The following ZCCHC7 variants were observed in gnomAD, a reference collection of about 807,000 sequenced individuals.
ZCCHC7 encodes zinc finger CCHC domain-containing protein 7.
ZCCHC7 carries 35 observed loss-of-function variants against 52.0 expected under a neutral mutation model. That is an observed-to-expected ratio of 0.67 (90% CI 0.51 to 0.89). The LOEUF (loss-of-function observed/expected upper bound fraction) is 0.89. ZCCHC7 is among the 40% of genes least tolerant of loss of function. The pLI, the probability that ZCCHC7 is intolerant of heterozygous loss-of-function variation, is 0.00. For synonymous variants in ZCCHC7, 217 were observed against 221.5 expected, an observed-to-expected ratio of 0.98 and a Z score of 0.18; for missense variants, 574 against 649.1, an observed-to-expected ratio of 0.88 and a Z score of 1.26.
chr9:37,132,391 G>A (rs940625592), intron 2 of ZCCHC7, among the ~76,000 whole-genome samples: 3 of 152,216 alleles, frequency 2.0e-5, no homozygotes, highest in South Asian at 2.1e-4. Context: ...AAAATAAAAT[G>A]TTATAATTGA....
chr9:37,249,979 T>C (rs1402017341), intron 2 of ZCCHC7, among the ~76,000 whole-genome samples: 1 of 152,218 alleles, frequency 6.6e-6, no homozygotes, highest in Admixed American at 6.5e-5. Flanking sequence ...GGTATTGTGA[T>C]AGAAACATGA....
At chr9:37,264,845 AT>A (rs1827027837) in intron 2 of ZCCHC7, among the ~76,000 whole-genome samples, 2 of 152,148 alleles carry the variant, frequency 1.3e-5, no homozygotes, top group Non-Finnish European at 2.9e-5. Flanking sequence ...AGAAGTAAAA[AT>A]TTCCTGTAAA....
intron 2 of ZCCHC7, among the ~76,000 whole-genome samples, chr9:37,129,357 G>A (rs7037694): frequency 0.56 from 84,641 of 152,058 alleles, 24,260 homozygotes; most frequent in African/African-American, 0.7. Context: ...TGAATTTTTG[G>A]AAATTAATTT....
intron 2 of ZCCHC7, among the ~76,000 whole-genome samples, chr9:37,230,680 TCTC>T (rs1825358285): frequency 1.3e-5 from 2 of 152,180 alleles, no homozygotes; most frequent in South Asian, 2.1e-4. Flanking sequence ...AATTTTTGTT[TCTC>T]CTCTGTTGCG....
intron 8 of ZCCHC7, among the ~76,000 whole-genome samples, 165 bp from the exon 9 acceptor site, chr9:37,356,670 A>G (rs970631479): frequency 3.3e-5 from 5 of 152,212 alleles, no homozygotes; most frequent in Non-Finnish European, 5.9e-5. Context: ...ATTTTTAGCA[A>G]TCAGAAACTT....
chr9:37,239,165 G>A (rs930490863), intron 2 of ZCCHC7, among the ~76,000 whole-genome samples: 10 of 152,036 alleles, frequency 6.6e-5, no homozygotes, highest in African/African-American at 2.4e-4. Flanking sequence ...AGGTCATTGT[G>A]TTATTATTGT....
In ZCCHC7 at chr9:37,173,026, A is replaced by T. The variant is rs1033049807; in HGVS notation, c.610+46084A>T. On this transcript the variant is annotated intron_variant, in intron 2 of 8. Coordinates refer to ENST00000336755, the MANE Select transcript of ZCCHC7 (RefSeq NM_032226.3). ...ATTCCAGTAGGGACTTGAGTGAGCAACGTGGCCATTCCAATAGGGACTCGA... is the reference window on the plus strand; with the variant it reads ...ATTCCAGTAGGGACTTGAGTGAGCATCGTGGCCATTCCAATAGGGACTCGA... Among the ~76,000 whole-genome samples, 62 of 150,808 alleles carry T rather than the reference A, an allele frequency of 4.1e-4. 1 individual carries two copies. The highest frequency in any genetic ancestry group is 1.3e-3 in the African/African-American group (54 of 40,758).
At chr9:37,234,838 G>A (rs1160778600) in intron 2 of ZCCHC7, among the ~76,000 whole-genome samples, 1 of 152,014 alleles carries the variant, frequency 6.6e-6, no homozygotes, top group African/African-American at 2.4e-5. Context: ...AAATATTTTA[G>A]CCACTCTTTT....
intron 2 of ZCCHC7, among the ~76,000 whole-genome samples, chr9:37,245,088 C>T (rs1434166266): frequency 6.6e-6 from 1 of 151,706 alleles, no homozygotes; most frequent in East Asian, 1.9e-4. Context: ...GACTGATTTT[C>T]AAATACAGTA....
chr9:37,279,972 G>A (rs193229243), intron 2 of ZCCHC7, among the ~76,000 whole-genome samples: 11 of 152,170 alleles, frequency 7.2e-5, no homozygotes, highest in Admixed American at 2.6e-4. Context: ...GGCTAACACA[G>A]TGAAACCCTG....
rs180728138 is a variant in ZCCHC7 at position 37,339,432 on chromosome 9, T to C, written c.988-9925T>C. On this transcript the variant is annotated intron_variant, in intron 6 of 8. Transcript: ENST00000336755. ...GCTTTTTTGTAACACAGCATCATCT[T>C]TGTTGTCTCACAGCCTCTGCTTTGG... 5.9e-5 allele frequency among the ~76,000 whole-genome samples: 9 copies of C among 152,340 alleles called. No homozygotes were observed. The East Asian group carries it at 1.2e-3, about 20-fold the overall frequency.
rs73646339 is a variant in ZCCHC7, at chr9:37,246,643, A to G, written c.611-55545A>G. On this transcript the variant is annotated intron_variant, in intron 2 of 8. Transcript: ENST00000336755. Reference sequence around the variant, plus strand: ...ATTTTTTCCCCTTTTCTAAATTGACATATTAAAAGTTGTACGTATTTAACA... The same window carrying G: ...ATTTTTTCCCCTTTTCTAAATTGACGTATTAAAAGTTGTACGTATTTAACA... Among the ~76,000 whole-genome samples, 830 of 152,286 alleles carry G rather than the reference A, an allele frequency of 5.5e-3. 5 individuals carry two copies. The highest frequency in any genetic ancestry group is 0.019 in the African/African-American group (782 of 41,568).
At chr9:37,156,842 AATGTTCTT>A (rs1820839822) in intron 2 of ZCCHC7, among the ~76,000 whole-genome samples, 2 of 152,094 alleles carry the variant, frequency 1.3e-5, no homozygotes, top group African/African-American at 4.8e-5. Flanking sequence ...CCTTGTTACC[AATGTTCTT>A]ATGTTAAAAC....
chr9:37,328,980 A>G (rs1290264182), intron 6 of ZCCHC7, among the ~76,000 whole-genome samples: 1 of 151,914 alleles, frequency 6.6e-6, no homozygotes, highest in Non-Finnish European at 1.5e-5. Context: ...TATGTTACAC[A>G]TATATATTAC....
At chr9:37,224,731 TAG>T (rs1408142120) in intron 2 of ZCCHC7, among the ~76,000 whole-genome samples, 1 of 152,138 alleles carries the variant, frequency 6.6e-6, no homozygotes, top group Non-Finnish European at 1.5e-5. Context: ...ATAAAATTAC[TAG>T]AGAGTAGTGA....
intron 5 of ZCCHC7, 118 bp downstream of exon 5, chr9:37,305,832 GATAT>G (rs3837244): frequency 0.51 from 373,951 of 730,946 alleles, 90,128 homozygotes; most frequent in African/African-American, 0.61. Context: ...TACTCCGTGA[GATAT>G]ATATATATAT....
intron 2 of ZCCHC7, among the ~76,000 whole-genome samples, chr9:37,266,403 G>A (rs1159193700): frequency 6.6e-6 from 1 of 152,158 alleles, no homozygotes; most frequent in Non-Finnish European, 1.5e-5. Flanking sequence ...TGTGTAAAGA[G>A]CTATAAAGTT....
intron 1 of ZCCHC7, among the ~76,000 whole-genome samples, chr9:37,124,179 G>A (rs80121798): frequency 0.017 from 2,644 of 152,052 alleles, 42 homozygotes; most frequent in Non-Finnish European, 0.029. Flanking sequence ...AGAATAAATA[G>A]GCATCATTAT....
intron 2 of ZCCHC7, among the ~76,000 whole-genome samples, chr9:37,249,456 C>CTTTTTTTTTTTTTTTTT (rs60166399): frequency 2.8e-4 from 31 of 111,248 alleles, no homozygotes; most frequent in African/African-American, 5.6e-4. Flanking sequence ...CTTCTTCTTC[C>CTTTTTTTTTTTTTTTTT]TTTTTTTTTT....
Sources: allele counts gnomAD v4.1 joint callset (sites outside exome capture counted in the v4.1 genomes callset), GRCh38; gene constraint gnomAD v4.1.1; transcripts MANE v1.5; gene names NCBI Gene and HGNC (gene_info 2026-07-23, HGNC 2026-07-21).